FGD4: variants seen among roughly 807,000 people sequenced by gnomAD.
The protein encoded by FGD4 is FYVE, RhoGEF and PH domain-containing protein 4.
FGD4 carries 42 observed loss-of-function variants against 102.0 expected under a neutral mutation model. That is an observed-to-expected ratio of 0.41 (90% CI 0.32 to 0.53). The LOEUF (loss-of-function observed/expected upper bound fraction) is 0.53, where lower values mean the gene tolerates loss of function less well. FGD4 is among the 20% of genes least tolerant of loss of function. FGD4 has a pLI of 0.21. For missense variants in FGD4, 902 were observed against 1,078.2 expected, an observed-to-expected ratio of 0.84 and a Z score of 2.29; for synonymous variants, 380 against 375.7, an observed-to-expected ratio of 1.01 and a Z score of -0.13.
chr12:32,467,177 A>G (rs1301302949), intron 1 of FGD4, among the ~76,000 whole-genome samples: 2 of 152,198 alleles, frequency 1.3e-5, no homozygotes, highest in East Asian at 3.8e-4. Flanking sequence ...AGAGTTTATT[A>G]TAATTGTGTG....
At chr12:32,512,808 T>A (rs1417305910) in intron 1 of FGD4, among the ~76,000 whole-genome samples, 2 of 152,202 alleles carry the variant, frequency 1.3e-5, no homozygotes, top group African/African-American at 4.8e-5. Context: ...TCCAGAGCTA[T>A]TTCTCTTAAT....
intron 1 of FGD4, among the ~76,000 whole-genome samples, chr12:32,450,217 C>G (rs1157835157): frequency 2.0e-5 from 3 of 152,084 alleles, no homozygotes; most frequent in Non-Finnish European, 4.4e-5. Flanking sequence ...AGGCATGAGC[C>G]ACTGCACCTG....
At chr12:32,472,828 T>C (rs1456862327) in intron 1 of FGD4, among the ~76,000 whole-genome samples, 1 of 152,168 alleles carries the variant, frequency 6.6e-6, no homozygotes, top group Admixed American at 6.5e-5. Flanking sequence ...GCATCCCGTG[T>C]TTAGCTCAAG....
At chr12:32,456,291 T>C (rs1165888072) in intron 1 of FGD4, among the ~76,000 whole-genome samples, 1 of 152,194 alleles carries the variant, frequency 6.6e-6, no homozygotes, top group African/African-American at 2.4e-5. Context: ...CCCATGTGAC[T>C]ATTGCCATAA....
intron 1 of FGD4, among the ~76,000 whole-genome samples, chr12:32,498,399 G>A (rs763754242): frequency 6.6e-6 from 1 of 152,178 alleles, no homozygotes; most frequent in Non-Finnish European, 1.5e-5. Flanking sequence ...TGGTGAAAAT[G>A]AAAGTGGGAG....
chr12:32,623,363 T>G (rs1033512821), intron 11 of FGD4, among the ~76,000 whole-genome samples: 38 of 152,152 alleles, frequency 2.5e-4, no homozygotes, highest in African/African-American at 8.7e-4. Flanking sequence ...AAAAAAAATT[T>G]TTTTTTTATT....
At chr12:32,594,730 T>G (rs1208263525) in intron 4 of FGD4, among the ~76,000 whole-genome samples, 1 of 140,870 alleles carries the variant, frequency 7.1e-6, no homozygotes, top group Non-Finnish European at 1.6e-5. Context: ...TCAACCATTC[T>G]GGCTTAGAAA....
At chr12:32,429,790 A>G (rs908074287) in intron 1 of FGD4, among the ~76,000 whole-genome samples, 1 of 152,196 alleles carries the variant, frequency 6.6e-6, no homozygotes, top group Non-Finnish European at 1.5e-5. Flanking sequence ...AGCATACATA[A>G]TTATAATTAG....
chr12:32,496,631 A>T (rs2136601125), intron 1 of FGD4, among the ~76,000 whole-genome samples: 1 of 152,326 alleles, frequency 6.6e-6, no homozygotes, highest in South Asian at 2.1e-4. Flanking sequence ...CGTATTTTAG[A>T]TTTGTTAATG....
intron 1 of FGD4, among the ~76,000 whole-genome samples, chr12:32,426,860 T>C (rs574857598): frequency 6.6e-6 from 1 of 152,324 alleles, no homozygotes; most frequent in East Asian, 1.9e-4. Flanking sequence ...ATAGAGGTGT[T>C]TATAGTATTC....
chr12:32,626,360 C>G (rs1421625178), intron 14 of FGD4, among the ~76,000 whole-genome samples: 1 of 149,978 alleles, frequency 6.7e-6, no homozygotes, highest in Non-Finnish European at 1.5e-5. Context: ...AGGAGAATCA[C>G]TTGAACCCAG....
At chr12:32,534,638 G>A (rs777834611) in intron 1 of FGD4, 2 of 506,634 alleles carry the variant, frequency 3.9e-6, no homozygotes, top group Admixed American at 8.1e-5. Flanking sequence ...TGGTTTTCAA[G>A]TTCAAGATTA....
At chr12:32,522,418 G>A (rs866087615) in intron 1 of FGD4, among the ~76,000 whole-genome samples, 10 of 152,200 alleles carry the variant, frequency 6.6e-5, no homozygotes, top group Non-Finnish European at 1.5e-4. Context: ...CAAGCTGTGC[G>A]TTAGGGTCTT....
At chr12:32,514,614 C>T (rs897860169) in intron 1 of FGD4, among the ~76,000 whole-genome samples, 8 of 152,048 alleles carry the variant, frequency 5.3e-5, no homozygotes, top group Admixed American at 5.2e-4. Context: ...TGGGCTTAAG[C>T]AATCCTCCTG....
intron 4 of FGD4, among the ~76,000 whole-genome samples, chr12:32,594,032 G>C (rs1947683130): frequency 6.6e-6 from 1 of 152,074 alleles, no homozygotes; most frequent in Non-Finnish European, 1.5e-5. Context: ...GATTACAAAG[G>C]GGCACAAAAA....
Position 32,537,563 on chromosome 12 carries a change from C to A in FGD4, c.167-26574C>A, listed in dbSNP as rs190724529. On this transcript the variant is annotated intron_variant, in intron 1 of 16. Transcript: ENST00000534526. ...TGTTCTTTCAATGATGTGCAAGGCC[C>A]TACCTTCTCTAGCCCCTATCCCTAT... 2.0e-5 allele frequency among the ~76,000 whole-genome samples: 3 copies of A among 152,312 alleles called. No individual in the cohort carries two copies. The East Asian group carries it at 5.8e-4, about 29-fold the overall frequency.
chr12:32,545,630 C>T (rs985783100), intron 1 of FGD4, among the ~76,000 whole-genome samples: 24 of 152,118 alleles, frequency 1.6e-4, no homozygotes, highest in Non-Finnish European at 3.1e-4. Context: ...GCTGCAGATC[C>T]CTGATTGAGG....
intron 1 of FGD4, among the ~76,000 whole-genome samples, chr12:32,426,233 A>G (rs1385615991): frequency 3.0e-4 from 45 of 152,120 alleles, no homozygotes; most frequent in Admixed American, 3.0e-3. Flanking sequence ...TTTGAGACAC[A>G]TTCCATCAAT....
intron 1 of FGD4, among the ~76,000 whole-genome samples, chr12:32,489,207 A>T (rs750070021): frequency 6.6e-6 from 1 of 152,156 alleles, no homozygotes; most frequent in Non-Finnish European, 1.5e-5. Flanking sequence ...CTAAGGATCA[A>T]CTTTGTAACT....
Sources: allele counts gnomAD v4.1 joint callset (sites outside exome capture counted in the v4.1 genomes callset), GRCh38; gene constraint gnomAD v4.1.1; transcripts MANE v1.5; gene names NCBI Gene and HGNC (gene_info 2026-07-23, HGNC 2026-07-21).